Variants in AGBL4 observed in about 807,000 individuals in gnomAD.
AGBL4 encodes the protein AGBL carboxypeptidase 4.
A neutral mutation model predicts 66.4 loss-of-function variants in AGBL4; 58 were observed. The observed-to-expected ratio is 0.87, with a 90% CI of 0.71 to 1.09. The LOEUF (loss-of-function observed/expected upper bound fraction) is 1.09. AGBL4 is among the 50% of genes least tolerant of loss of function. The pLI is 0.00. For missense variants in AGBL4, 579 were observed against 631.0 expected (o/e 0.92, Z 0.88); for synonymous variants, 234 against 222.9 (o/e 1.05, Z -0.44).
At chr1:48,553,412 G>A (rs758802129) in intron 11 of AGBL4, among the ~76,000 whole-genome samples, 3 of 152,282 alleles carry the variant, frequency 2.0e-5, no homozygotes, top group East Asian at 1.9e-4. Flanking sequence ...TTGGAGTGGC[G>A]GAGAAGAGAG....
At chr1:49,656,985 T>C (rs1033178971) in intron 3 of AGBL4, among the ~76,000 whole-genome samples, 3 of 152,132 alleles carry the variant, frequency 2.0e-5, no homozygotes, top group African/African-American at 7.2e-5. Context: ...CTATTCAACA[T>C]AGTGTTGGAA....
At position 48,539,585 on chromosome 1, in the gene AGBL4, C is replaced by A. The variant is rs1056200930; in HGVS notation, c.1364+57G>T. The A allele has an allele frequency of 1.2e-5, 17 of 1,372,452 alleles. No individual in the cohort carries two copies. The African/African-American group carries it at 2.5e-4, about 20-fold the overall frequency. The allele number at this position is 1,372,452 out of a possible 1,614,324, so 85.0% of individuals were successfully genotyped here. ...AGCAAAAGGCTAAGGGAAGTTGCCC[C>A]TGAATACAGCCCGTGGAGCAGAACT... On this transcript the variant is annotated intron_variant, in intron 12 of 13. Coordinates refer to ENST00000371839, the MANE Select transcript of AGBL4 (RefSeq NM_032785.4).
chr1:48,738,001 T>C (rs921627539), intron 6 of AGBL4, among the ~76,000 whole-genome samples: 2 of 152,010 alleles, frequency 1.3e-5, no homozygotes, highest in African/African-American at 4.8e-5. Flanking sequence ...TCTGGAGAGG[T>C]CCCTGGTCTA....
At chr1:49,574,651 A>G (rs1048784971) in intron 3 of AGBL4, among the ~76,000 whole-genome samples, 3 of 152,118 alleles carry the variant, frequency 2.0e-5, no homozygotes, top group African/African-American at 7.2e-5. Flanking sequence ...ACAGTCACTC[A>G]ACTACAAAAT....
chr1:49,257,166 T>C (rs1369524440), intron 3 of AGBL4, among the ~76,000 whole-genome samples: 24 of 151,658 alleles, frequency 1.6e-4, no homozygotes, highest in Admixed American at 8.5e-4. Context: ...AAGTCAATGA[T>C]TGAAAAAAAA....
At chr1:49,487,100 G>C (rs923215930) in intron 3 of AGBL4, among the ~76,000 whole-genome samples, 1 of 151,880 alleles carries the variant, frequency 6.6e-6, no homozygotes, top group African/African-American at 2.4e-5. Context: ...TGTGGGGTGG[G>C]GAAGGTGAAG....
intron 1 of AGBL4, among the ~76,000 whole-genome samples, chr1:49,948,118 G>T (rs1300775470): frequency 1.3e-5 from 1 of 76,358 alleles, no homozygotes; most frequent in Non-Finnish European, 2.2e-5. Context: ...GTAAATGTAT[G>T]TAAATATATA....
chr1:49,734,473 T>G (rs910420224), intron 2 of AGBL4, among the ~76,000 whole-genome samples: 1 of 152,122 alleles, frequency 6.6e-6, no homozygotes, highest in Non-Finnish European at 1.5e-5. Flanking sequence ...GAGCAATATA[T>G]GAAATTCTAT....
At chr1:49,314,752 G>C (rs1645008107) in intron 3 of AGBL4, among the ~76,000 whole-genome samples, 1 of 152,012 alleles carries the variant, frequency 6.6e-6, no homozygotes, top group South Asian at 2.1e-4. Flanking sequence ...ACCCAGCAAT[G>C]AGATTGCTGG....
At chr1:49,243,952 A>G (rs924944363) in intron 4 of AGBL4, among the ~76,000 whole-genome samples, 1 of 151,862 alleles carries the variant, frequency 6.6e-6, no homozygotes, top group Admixed American at 6.6e-5. Context: ...TTGCCTGCCA[A>G]CATTGCATAA....
Position 48,604,960 on chromosome 1 carries a change from C to A in AGBL4, c.952-13975G>T, listed in dbSNP as rs561959608. Among the ~76,000 whole-genome samples, 3 of 152,328 alleles carry A rather than the reference C, an allele frequency of 2.0e-5. No individual in the cohort carries two copies. In the East Asian group the frequency reaches 5.8e-4, roughly 29 times the overall value. ...AAAATTAGACAGAATGAATTTGTGT[C>A]TTTTCTGGCTCTTTGAATTGTTTGG... is the stretch of plus-strand genomic sequence containing the variant. On this transcript the variant is annotated intron_variant, in intron 9 of 13. Transcript: ENST00000371839.
chr1:49,258,466 C>T (rs924892992), intron 3 of AGBL4, among the ~76,000 whole-genome samples: 1 of 152,082 alleles, frequency 6.6e-6, no homozygotes, highest in African/African-American at 2.4e-5. Flanking sequence ...CTTAAAGGAG[C>T]TGATGGAGCT....
chr1:49,238,745 C>T (rs1337599835), intron 4 of AGBL4, among the ~76,000 whole-genome samples: 2 of 152,172 alleles, frequency 1.3e-5, no homozygotes, highest in African/African-American at 2.4e-5. Flanking sequence ...ATCTCTCATG[C>T]TAGACTGCCC....
At chr1:49,855,641 C>T (rs1264956996) in intron 1 of AGBL4, among the ~76,000 whole-genome samples, 1 of 151,938 alleles carries the variant, frequency 6.6e-6, no homozygotes. Flanking sequence ...AAACAACATG[C>T]TCCTGTATTA....
At chr1:48,559,390 C>T (rs1412547001) in intron 11 of AGBL4, among the ~76,000 whole-genome samples, 1 of 152,050 alleles carries the variant, frequency 6.6e-6, no homozygotes, top group African/African-American at 2.4e-5. Flanking sequence ...ACCCCATAGT[C>T]AACCAGACAA....
chr1:49,541,669 C>T (rs1465254119), intron 3 of AGBL4, among the ~76,000 whole-genome samples: 3 of 152,196 alleles, frequency 2.0e-5, no homozygotes. Context: ...CTGCCCCCTG[C>T]TCCACAGCGC....
intron 11 of AGBL4, among the ~76,000 whole-genome samples, chr1:48,559,330 G>A (rs560995710): frequency 7.2e-5 from 11 of 152,122 alleles, no homozygotes; most frequent in Non-Finnish European, 1.6e-4. Context: ...CTGTATGCAG[G>A]AAGATGTGAG....
chr1:49,981,066 TTATGAAGAAACAA>T (rs1387766908), intron 1 of AGBL4, among the ~76,000 whole-genome samples: 1 of 152,164 alleles, frequency 6.6e-6, no homozygotes, highest in Admixed American at 6.5e-5. Context: ...AGAAGGCCAC[TTATGAAGAAACAA>T]AGTTGAATGC....
intron 6 of AGBL4, among the ~76,000 whole-genome samples, chr1:48,665,705 G>T (rs1229394880): frequency 2.6e-5 from 4 of 152,028 alleles, no homozygotes; most frequent in Non-Finnish European, 2.9e-5. Context: ...TTACACAAGA[G>T]AATTTCATTT....
Sources: gnomAD v4.1 joint callset for allele counts (sites outside exome capture counted in the v4.1 genomes callset) on GRCh38, gnomAD v4.1.1 for gene constraint, MANE v1.5 for transcripts, NCBI Gene and HGNC (gene_info 2026-07-23, HGNC 2026-07-21) for gene names.